SH3D19: variants seen among roughly 807,000 people sequenced by gnomAD.
SH3D19 encodes the protein SH3 domain containing 19.
A neutral mutation model predicts 112.1 loss-of-function variants in SH3D19; 58 were observed. The ratio of observed to expected loss-of-function variants is 0.52; its 90% CI spans 0.42 to 0.64. SH3D19 has a LOEUF of 0.64. SH3D19 is among the 30% of genes least tolerant of loss of function. The pLI, the probability that SH3D19 is intolerant of heterozygous loss-of-function variation, is 0.00. For missense variants in SH3D19, 1,090 were observed against 1,263.4 expected, an observed-to-expected ratio of 0.86 and a Z score of 2.08; for synonymous variants, 391 against 448.5, an observed-to-expected ratio of 0.87 and a Z score of 1.62.
rs184638668 is a variant in SH3D19, at chr4:151,237,912, G to A, written c.113-11826C>T. On this transcript the variant is annotated intron_variant, in intron 1 of 19. Coordinates refer to ENST00000604030, the MANE Select transcript of SH3D19 (RefSeq NM_001378122.1). ...ATTTCTAAACCTTCCCTTATTCAAC[G>A]GTTCAGCCTATTTTTCCTTTTCTTT... 3.7e-4 allele frequency among the ~76,000 whole-genome samples: 56 copies of A among 152,176 alleles called. No individual in the cohort carries two copies. In the East Asian group the frequency reaches 9.1e-3, roughly 25 times the overall value.
intron 8 of SH3D19, among the ~76,000 whole-genome samples, chr4:151,161,764 CTT>C (rs1246826788): frequency 7.3e-5 from 9 of 122,494 alleles, no homozygotes; most frequent in Non-Finnish European, 1.2e-4. Context: ...ATTCATACCT[CTT>C]TTTTTTTTTT....
chr4:151,252,526 G>T (rs772754260), intron 1 of SH3D19, among the ~76,000 whole-genome samples: 2 of 152,184 alleles, frequency 1.3e-5, no homozygotes, highest in Non-Finnish European at 2.9e-5. Context: ...ATGAAACTTA[G>T]GTGGGCTCAA....
chr4:151,305,905 T>C (rs1015422611), intron 1 of SH3D19, among the ~76,000 whole-genome samples: 6 of 152,206 alleles, frequency 3.9e-5, no homozygotes, highest in African/African-American at 1.2e-4. Flanking sequence ...TGTACCAGCA[T>C]AAACAAACTG....
intron 1 of SH3D19, among the ~76,000 whole-genome samples, chr4:151,250,142 C>A (rs1049831121): frequency 2.0e-5 from 3 of 152,048 alleles, no homozygotes; most frequent in Non-Finnish European, 2.9e-5. Flanking sequence ...AATACTTCCA[C>A]ATCAAACAAT....
intron 1 of SH3D19, among the ~76,000 whole-genome samples, chr4:151,322,869 T>TA (rs1730691104): frequency 6.6e-6 from 1 of 152,120 alleles, no homozygotes; most frequent in South Asian, 2.1e-4. Context: ...TAAATGATCT[T>TA]AAAAAGGTAA....
intron 1 of SH3D19, among the ~76,000 whole-genome samples, chr4:151,237,247 A>G (rs1770162094): frequency 6.6e-6 from 1 of 152,242 alleles, no homozygotes; most frequent in African/African-American, 2.4e-5. Flanking sequence ...GAAGTCAGCA[A>G]GACCAAGAAC....
intron 9 of SH3D19, among the ~76,000 whole-genome samples, chr4:151,153,565 T>C (rs951553566): frequency 2.6e-5 from 4 of 152,094 alleles, no homozygotes; most frequent in Non-Finnish European, 4.4e-5. Flanking sequence ...TAAGTCTTTA[T>C]GGCCTCTGTT....
chr4:151,245,001 G>C (rs531072133), intron 1 of SH3D19, among the ~76,000 whole-genome samples: 1 of 151,920 alleles, frequency 6.6e-6, no homozygotes, highest in Admixed American at 6.6e-5. Context: ...AAAATTAGCC[G>C]GGTGTGGTGG....
chr4:151,266,180 A>G (rs1162698683), intron 1 of SH3D19: 1 of 152,198 alleles, frequency 6.6e-6, no homozygotes, highest in Non-Finnish European at 1.5e-5. Flanking sequence ...GTTTAAATCT[A>G]ATCAACAGTA....
intron 2 of SH3D19, among the ~76,000 whole-genome samples, chr4:151,217,076 T>C (rs1767247133): frequency 1.3e-5 from 2 of 152,324 alleles, no homozygotes; most frequent in South Asian, 4.1e-4. Flanking sequence ...GTTTCTCTTA[T>C]TGCTTAGAAA....
chr4:151,156,834 T>A (rs552813198), intron 9 of SH3D19, among the ~76,000 whole-genome samples: 2 of 152,322 alleles, frequency 1.3e-5, no homozygotes, highest in African/African-American at 4.8e-5. Context: ...ACCAAAAATC[T>A]TTTGCACAGT....
intron 3 of SH3D19, among the ~76,000 whole-genome samples, chr4:151,185,063 T>C (rs1761558238): frequency 6.7e-6 from 1 of 148,552 alleles, no homozygotes; most frequent in Non-Finnish European, 1.5e-5. Flanking sequence ...TTTTTTTTTT[T>C]TTTTTAACTC....
At chr4:151,210,632 A>G (rs1765818031) in intron 2 of SH3D19, among the ~76,000 whole-genome samples, 1 of 152,054 alleles carries the variant, frequency 6.6e-6, no homozygotes, top group Admixed American at 6.5e-5. Context: ...TGATCTCCTG[A>G]CCTTGTGATC....
chr4:151,278,683 T>C (rs985107432), intron 1 of SH3D19, among the ~76,000 whole-genome samples: 4 of 151,902 alleles, frequency 2.6e-5, no homozygotes, highest in Admixed American at 2.6e-4. Context: ...CAGGCTGGAG[T>C]GCAGTGGCAT....
chr4:151,286,690 C>A (rs1774824132), intron 1 of SH3D19, among the ~76,000 whole-genome samples: 1 of 151,298 alleles, frequency 6.6e-6, no homozygotes, highest in Non-Finnish European at 1.5e-5. Context: ...ATAATTAATC[C>A]CAATTCTGGC....
At chr4:151,234,070 T>C (rs1769818897) in intron 1 of SH3D19, among the ~76,000 whole-genome samples, 1 of 152,226 alleles carries the variant, frequency 6.6e-6, no homozygotes, top group Non-Finnish European at 1.5e-5. Flanking sequence ...TGACTTTTTA[T>C]AAATACAATA....
At position 151,255,127 on chromosome 4, in the gene SH3D19, A is replaced by AC. The variant is rs570387721; in HGVS notation, c.113-29042dup. On this transcript the variant is annotated intron_variant, in intron 1 of 19. Coordinates refer to ENST00000604030, the MANE Select transcript of SH3D19 (RefSeq NM_001378122.1). ...GGGCGGCTGGCCTGGCGGGGGGCTG[A>AC]CCCCCCCCACCTCCCTCCCAGACGG... Among the ~76,000 whole-genome samples the AC allele has an allele frequency of 4.7e-3, 633 of 133,850 alleles. 7 individuals are homozygous for AC. The highest frequency in any genetic ancestry group is 0.015 in the South Asian group (61 of 4,132). The allele number at this position is 133,850 out of a possible 152,430, so 87.8% of individuals were successfully genotyped here. A position where few individuals can be genotyped will look rare whatever the true frequency, so the allele number is the denominator to read the frequency against.
At chr4:151,283,085 CTTT>C in intron 1 of SH3D19, 1 of 1,608,808 alleles carries the variant, frequency 6.2e-7, no homozygotes, top group Non-Finnish European at 8.5e-7. Flanking sequence ...TTCTAGGTTG[CTTT>C]AATCTTTTGT....
intron 11 of SH3D19, among the ~76,000 whole-genome samples, chr4:151,145,478 T>C (rs954034525): frequency 5.3e-5 from 8 of 152,062 alleles, no homozygotes; most frequent in African/African-American, 1.9e-4. Flanking sequence ...CCCCCGCCCC[T>C]GCCCGCAAGA....
Sources: allele counts gnomAD v4.1 joint callset (sites outside exome capture counted in the v4.1 genomes callset), GRCh38; gene constraint gnomAD v4.1.1; transcripts MANE v1.5; gene names NCBI Gene and HGNC (gene_info 2026-07-23, HGNC 2026-07-21).